MAP2K6: variants seen among roughly 807,000 people sequenced by gnomAD.
MAP2K6 encodes dual specificity mitogen-activated protein kinase kinase 6.
MAP2K6 carries 16 observed loss-of-function variants against 53.7 expected under a neutral mutation model. The ratio of observed to expected loss-of-function variants is 0.30; its 90% CI spans 0.20 to 0.45. The LOEUF (loss-of-function observed/expected upper bound fraction) is 0.45. Among genes scored for constraint, MAP2K6 ranks in the 20% least tolerant of loss-of-function variants. The probability of loss-of-function intolerance (pLI) is 1.00; values close to 1 mark genes in which losing one functional copy is unlikely to be tolerated. For missense variants in MAP2K6, 204 were observed against 411.9 expected (o/e 0.50, Z 4.37); for synonymous variants, 132 against 143.1 (o/e 0.92, Z 0.55).
At chr17:69,521,449 CT>C (rs750471882) in intron 7 of MAP2K6, 2 of 214,618 alleles carry the variant, frequency 9.3e-6, no homozygotes, top group Non-Finnish European at 1.8e-5. Context: ...AATCATGGGT[CT>C]CAAGATCAAA....
At chr17:69,467,049 C>T (rs1907837405) in intron 1 of MAP2K6, among the ~76,000 whole-genome samples, 1 of 152,198 alleles carries the variant, frequency 6.6e-6, no homozygotes, top group Non-Finnish European at 1.5e-5. Context: ...ACATGGATTA[C>T]AATAAGAATT....
In MAP2K6 at chr17:69,552,220, G is replaced by A. The variant is rs1200253708; in HGVS notation, c.*10467G>A. 6.6e-6 allele frequency: 1 copy of A among 152,218 alleles called. No individual in the cohort carries two copies. The highest frequency in any genetic ancestry group is 1.5e-5 in the Non-Finnish European group (1 of 68,036). The allele number at this position is 152,218 out of a possible 1,614,324, so 9.4% of individuals were successfully genotyped here. ...GGAAAATGCCCTGATGCTAGAATGA[G>A]GTAGTTCCATAAGCTAGTTAGGAGC... On this transcript the variant is annotated 3_prime_UTR_variant, in exon 12 of 12. Transcript: ENST00000590474.
intron 1 of MAP2K6, among the ~76,000 whole-genome samples, chr17:69,472,143 C>T (rs1426522294): frequency 2.6e-5 from 4 of 152,084 alleles, no homozygotes; most frequent in Non-Finnish European, 5.9e-5. Flanking sequence ...AAGAGCCAAA[C>T]ATATTCACAC....
chr17:69,429,862 A>G (rs1326032897), intron 1 of MAP2K6, among the ~76,000 whole-genome samples: 2 of 152,136 alleles, frequency 1.3e-5, no homozygotes, highest in African/African-American at 4.8e-5. Flanking sequence ...TGGGCAACCC[A>G]GAGAAAGTCA....
chr17:69,436,326 T>C (rs1906640373), intron 1 of MAP2K6, among the ~76,000 whole-genome samples: 1 of 152,178 alleles, frequency 6.6e-6, no homozygotes, highest in Non-Finnish European at 1.5e-5. Context: ...ATAAAAAAAA[T>C]ACTATAATTA....
At chr17:69,447,853 G>A (rs149417341) in intron 1 of MAP2K6, among the ~76,000 whole-genome samples, 176 of 152,306 alleles carry the variant, frequency 1.2e-3, no homozygotes, top group African/African-American at 4.2e-3. Context: ...ATTCCTAGCG[G>A]GGAGCCTGTG....
chr17:69,520,089 G>A (rs139170058), intron 5 of MAP2K6, 181 bp from the exon 6 acceptor site: 1 of 561,098 alleles, frequency 1.8e-6, no homozygotes, highest in East Asian at 3.1e-5. Flanking sequence ...TTTGCTCTTT[G>A]TAGATAACCT....
At chr17:69,450,349 C>G (rs145543380) in intron 1 of MAP2K6, among the ~76,000 whole-genome samples, 1 of 152,154 alleles carries the variant, frequency 6.6e-6, no homozygotes, top group South Asian at 2.1e-4. Flanking sequence ...ATAAAGTACT[C>G]GGCTTGACTC....
intron 1 of MAP2K6, among the ~76,000 whole-genome samples, chr17:69,421,534 GTTGTTTT>G (rs1372025909): frequency 2.0e-5 from 3 of 150,034 alleles, no homozygotes; most frequent in Non-Finnish European, 4.4e-5. Context: ...TTTTTTTGTT[GTTGTTTT>G]TTGTTTTTTT....
At chr17:69,424,554 G>A (rs1906203788) in intron 1 of MAP2K6, among the ~76,000 whole-genome samples, 1 of 152,218 alleles carries the variant, frequency 6.6e-6, no homozygotes, top group Non-Finnish European at 1.5e-5. Context: ...GCAGAGCAGA[G>A]GTTTTAGCCA....
intron 7 of MAP2K6, among the ~76,000 whole-genome samples, chr17:69,522,708 A>C (rs548123337): frequency 7.0e-4 from 106 of 152,100 alleles, no homozygotes; most frequent in African/African-American, 2.5e-3. Context: ...TGGGTTTATG[A>C]TCCTTTACAC....
In MAP2K6 at chr17:69,523,653, A is replaced by G. The variant is rs371133240; in HGVS notation, c.663+12A>G. ...AACCATACATGGCCGTAAGTACATT[A>G]GCTAGGGTGGCATCTGGTAATGTCA... is the stretch of plus-strand genomic sequence containing the variant. On this transcript the variant is annotated intron_variant, in intron 8 of 11. Coordinates refer to ENST00000590474, the MANE Select transcript of MAP2K6 (RefSeq NM_002758.4). The G allele has an allele frequency of 6.8e-6, 11 of 1,612,692 alleles. No individual in the cohort carries two copies. Among genetic ancestry groups the G allele is most frequent in the Non-Finnish European group, 9.3e-6 (11 of 1,178,844 alleles).
chr17:69,525,386 A>G lies in MAP2K6; in HGVS notation c.741+408A>G, dbSNP rs1426180684. Among the ~76,000 whole-genome samples, 3 of 152,234 alleles carry G rather than the reference A, an allele frequency of 2.0e-5. No individual in the cohort carries two copies. The East Asian group carries it at 5.8e-4, about 29-fold the overall frequency. On this transcript the variant is annotated intron_variant, in intron 9 of 11. Coordinates refer to ENST00000590474, the MANE Select transcript of MAP2K6 (RefSeq NM_002758.4). ...GAACCCTGATAGGGCCGTGTTATCC[A>G]GGACATAGACTATGCTTCCCAGGAT...
intron 7 of MAP2K6, chr17:69,521,718 A>C (rs1043593375): frequency 2.7e-5 from 4 of 148,898 alleles, no homozygotes; most frequent in Non-Finnish European, 6.0e-5. Context: ...TTTAAAATGT[A>C]ATAGATCCCC....
At chr17:69,496,876 C>A (rs1598290706) in intron 1 of MAP2K6, among the ~76,000 whole-genome samples, 1 of 152,104 alleles carries the variant, frequency 6.6e-6, no homozygotes, top group East Asian at 1.9e-4. Flanking sequence ...CCACTGGCCA[C>A]CCCCACTGAC....
intron 1 of MAP2K6, among the ~76,000 whole-genome samples, chr17:69,444,423 G>A (rs1375097055): frequency 6.6e-6 from 1 of 152,176 alleles, no homozygotes; most frequent in African/African-American, 2.4e-5. Context: ...TCCATCAAAA[G>A]AATTTGGTGT....
chr17:69,541,702 A>G lies in MAP2K6; in HGVS notation c.954A>G (p.Glu318=), dbSNP rs757834909. ...AACATCCATTTTTCACCCTACATGA[A>G]TCCAAAGGAACAGATGTGGCATCTT... The part of the protein sequence containing the change: ...LMQHPFFTLH[E]SKGTDVASFV... Residue 318 remains glutamate (E), a synonymous_variant, in exon 12 of 12, where the codon GAA becomes GAG. Coordinates refer to ENST00000590474, the MANE Select transcript of MAP2K6 (RefSeq NM_002758.4). 9.3e-6 allele frequency: 15 copies of G among 1,612,708 alleles called. No individual in the cohort carries two copies. Among genetic ancestry groups the G allele is most frequent in the Non-Finnish European group, 1.3e-5 (15 of 1,179,040 alleles).
intron 11 of MAP2K6, among the ~76,000 whole-genome samples, chr17:69,541,001 C>T (rs1051456018): frequency 5.3e-5 from 8 of 152,222 alleles, no homozygotes; most frequent in African/African-American, 1.2e-4. Context: ...TGGTGGCACA[C>T]GCCTGCAATC....
At chr17:69,532,997 C>T (rs1911162930) in intron 10 of MAP2K6, among the ~76,000 whole-genome samples, 1 of 152,100 alleles carries the variant, frequency 6.6e-6, no homozygotes, top group South Asian at 2.1e-4. Context: ...GGTGCAATCT[C>T]AGCTCACTGC....
Sources: allele counts gnomAD v4.1 joint callset (sites outside exome capture counted in the v4.1 genomes callset), GRCh38; gene constraint gnomAD v4.1.1; transcripts MANE v1.5; gene names NCBI Gene and HGNC (gene_info 2026-07-23, HGNC 2026-07-21).